TRAPPC3L: variants seen among roughly 807,000 people sequenced by gnomAD.
TRAPPC3L encodes the protein trafficking protein particle complex subunit 3-like protein.
A neutral mutation model predicts 23.7 loss-of-function variants in TRAPPC3L; 23 were observed. That is an observed-to-expected ratio of 0.97 (90% CI 0.70 to 1.37). The LOEUF (loss-of-function observed/expected upper bound fraction) is 1.37. Ranked by LOEUF, TRAPPC3L falls within the 40% of genes most tolerant of loss-of-function variation. TRAPPC3L has a pLI of 0.00. For synonymous variants in TRAPPC3L, 81 were observed against 77.9 expected, an observed-to-expected ratio of 1.04 and a Z score of -0.21; for missense variants, 212 against 216.8, an observed-to-expected ratio of 0.98 and a Z score of 0.14.
At position 116,495,736 on chromosome 6, in the gene TRAPPC3L, T is replaced by C. The variant is rs1023386536; in HGVS notation, c.*1218A>G. The C allele has an allele frequency of 2.0e-5, 3 of 152,238 alleles. No individual in the cohort carries two copies. Among genetic ancestry groups the C allele is most frequent in the Non-Finnish European group, 4.4e-5 (3 of 68,046 alleles). The allele number at this position is 152,238 out of a possible 1,614,324, so 9.4% of individuals were successfully genotyped here. A position where few individuals can be genotyped will look rare whatever the true frequency, so the allele number is the denominator to read the frequency against. ...ACTAGGGTGAGATAATATCTCATTA[T>C]AGTTTTGATTTGCATTTCTCTGATG... On this transcript the variant is annotated 3_prime_UTR_variant, in exon 5 of 5. Coordinates refer to ENST00000368602, the MANE Select transcript of TRAPPC3L (RefSeq NM_001139444.3).
intron 4 of TRAPPC3L, among the ~76,000 whole-genome samples, chr6:116,499,714 G>A (rs1771884514): frequency 6.6e-6 from 1 of 152,242 alleles, no homozygotes; most frequent in South Asian, 2.1e-4. Context: ...TCTTACCCAA[G>A]GCTTTTATCT....
At chr6:116,501,055 G>A (rs1356310954) in intron 3 of TRAPPC3L, among the ~76,000 whole-genome samples, 4 of 152,164 alleles carry the variant, frequency 2.6e-5, no homozygotes, top group Admixed American at 1.3e-4. Flanking sequence ...TGTGGGAAGT[G>A]CAAGGGATCA....
At chr6:116,534,930 A>G (rs1048043543) in intron 3 of TRAPPC3L, among the ~76,000 whole-genome samples, 1 of 152,210 alleles carries the variant, frequency 6.6e-6, no homozygotes, top group Non-Finnish European at 1.5e-5. Context: ...TACTGTGACA[A>G]CAAAGTAATG....
intron 3 of TRAPPC3L, among the ~76,000 whole-genome samples, chr6:116,527,146 A>G (rs945450448): frequency 6.6e-6 from 1 of 152,190 alleles, no homozygotes; most frequent in African/African-American, 2.4e-5. Context: ...CAAATAATTT[A>G]GTTGCCTTTT....
intron 3 of TRAPPC3L, among the ~76,000 whole-genome samples, chr6:116,530,693 A>G (rs1772644439): frequency 6.6e-6 from 1 of 151,976 alleles, no homozygotes; most frequent in Non-Finnish European, 1.5e-5. Context: ...GAGTCATTTT[A>G]TTTTGAAGTG....
chr6:116,516,703 A>G (rs1333689025), intron 3 of TRAPPC3L: 2 of 98,458 alleles, frequency 2.0e-5, no homozygotes, highest in Non-Finnish European at 4.9e-5. Context: ...ATATATATAT[A>G]TATATACACA....
intron 2 of TRAPPC3L, among the ~76,000 whole-genome samples, chr6:116,542,851 C>T (rs563372338): frequency 2.8e-4 from 43 of 152,020 alleles, no homozygotes; most frequent in Non-Finnish European, 5.3e-4. Context: ...TCCATCTTCC[C>T]CTTAGGAAAC....
chr6:116,510,254 A>C (rs1178991252), intron 3 of TRAPPC3L, among the ~76,000 whole-genome samples: 1 of 152,056 alleles, frequency 6.6e-6, no homozygotes, highest in Non-Finnish European at 1.5e-5. Flanking sequence ...AACCTCTATA[A>C]AAAACAGTAT....
Position 116,536,395 on chromosome 6 carries a change from T to C in TRAPPC3L, c.240+3968A>G, listed in dbSNP as rs540387042. Among the ~76,000 whole-genome samples the C allele has an allele frequency of 7.9e-5, 12 of 152,318 alleles. No individual in the cohort carries two copies. The South Asian group carries it at 1.5e-3, about 18-fold the overall frequency. ...GGCCTAATGACAGACCGACCTCCTC[T>C]TTGAAGAAAAAAACTAGTGAGGGAA... On this transcript the variant is annotated intron_variant, in intron 3 of 4. Coordinates refer to ENST00000368602, the MANE Select transcript of TRAPPC3L (RefSeq NM_001139444.3).
At chr6:116,515,537 A>G (rs1772204640) in intron 3 of TRAPPC3L, 1 of 1,502,810 alleles carries the variant, frequency 6.7e-7, no homozygotes, top group Non-Finnish European at 9.0e-7. Context: ...CTTCTCAATA[A>G]TACCCCAGCT....
intron 3 of TRAPPC3L, among the ~76,000 whole-genome samples, chr6:116,534,046 A>ACT (rs1394772242): frequency 2.0e-5 from 3 of 151,986 alleles, no homozygotes; most frequent in African/African-American, 7.2e-5. Flanking sequence ...AAGAAGTGGA[A>ACT]CTCTGTCTAA....
intron 3 of TRAPPC3L, among the ~76,000 whole-genome samples, chr6:116,527,044 A>C (rs980029138): frequency 5.3e-5 from 8 of 152,206 alleles, no homozygotes; most frequent in Admixed American, 3.9e-4. Flanking sequence ...TACTAGAAAG[A>C]AAGCAACACT....
chr6:116,504,380 C>A (rs1210150821), intron 3 of TRAPPC3L, among the ~76,000 whole-genome samples: 2 of 152,126 alleles, frequency 1.3e-5, no homozygotes, highest in South Asian at 2.1e-4. Context: ...GAAATTGAGG[C>A]AATAATTAAT....
At chr6:116,544,597 T>G (rs1773661256) in intron 1 of TRAPPC3L, among the ~76,000 whole-genome samples, 1 of 152,188 alleles carries the variant, frequency 6.6e-6, no homozygotes, top group Non-Finnish European at 1.5e-5. Context: ...AGGTTATGAA[T>G]GTATCAGGAT....
intron 3 of TRAPPC3L, among the ~76,000 whole-genome samples, chr6:116,539,059 A>G (rs1446738266): frequency 2.6e-5 from 4 of 152,184 alleles, no homozygotes; most frequent in Non-Finnish European, 4.4e-5. Context: ...TCCTCATTAT[A>G]GAGAGACTGT....
chr6:116,521,096 G>A (rs1216019787), intron 3 of TRAPPC3L: 2 of 151,766 alleles, frequency 1.3e-5, no homozygotes, highest in Non-Finnish European at 2.9e-5. Flanking sequence ...GTGCATGTGT[G>A]TGTGTGTATG....
At position 116,500,468 on chromosome 6, in the gene TRAPPC3L, T is replaced by A. The variant is rs774426540; in HGVS notation, c.426+13A>T. 93 of 1,541,496 alleles carry A rather than the reference T, an allele frequency of 6.0e-5. No individual in the cohort carries two copies. The highest frequency in any genetic ancestry group is 7.9e-5 in the Non-Finnish European group (90 of 1,141,610). ...AGAGATTCTTCATTCATTCTTCACT[T>A]ATTCAACTTTACCATTTCCAAGGCA... On this transcript the variant is annotated intron_variant, in intron 4 of 4. Coordinates refer to ENST00000368602, the MANE Select transcript of TRAPPC3L (RefSeq NM_001139444.3).
At chr6:116,540,583 A>T in intron 2 of TRAPPC3L, 121 bp from the exon 3 acceptor site, 1 of 948,872 alleles carries the variant, frequency 1.1e-6, no homozygotes, top group Non-Finnish European at 1.6e-6. Context: ...CAAACCAAAT[A>T]TGACGAGTCA....
intron 3 of TRAPPC3L, among the ~76,000 whole-genome samples, chr6:116,513,816 G>A (rs553256958): frequency 2.6e-4 from 40 of 152,320 alleles, no homozygotes; most frequent in Non-Finnish European, 4.6e-4. Flanking sequence ...TATTCTTAAG[G>A]AAGATAGAAT....
Sources: allele counts gnomAD v4.1 joint callset (sites outside exome capture counted in the v4.1 genomes callset), GRCh38; gene constraint gnomAD v4.1.1; transcripts MANE v1.5; gene names NCBI Gene and HGNC (gene_info 2026-07-23, HGNC 2026-07-21).